Variants in FBXO8 observed in about 807,000 individuals in gnomAD.
FBXO8 encodes the protein F-box only protein 8.
A neutral mutation model predicts 33.4 loss-of-function variants in FBXO8; 15 were observed. That is an observed-to-expected ratio of 0.45 (90% CI 0.30 to 0.69). The LOEUF (loss-of-function observed/expected upper bound fraction) is 0.69. Ranked by LOEUF, FBXO8 falls within the 30% of genes least tolerant of loss-of-function variation. The pLI is 0.08. For missense variants in FBXO8, 274 were observed against 380.3 expected (o/e 0.72, Z 2.32); for synonymous variants, 132 against 131.5 (o/e 1.00, Z -0.02).
chr4:174,280,955 T>C (rs2126454084), intron 1 of FBXO8, among the ~76,000 whole-genome samples: 1 of 152,336 alleles, frequency 6.6e-6, no homozygotes, highest in East Asian at 1.9e-4. Flanking sequence ...ATGGTGTTGA[T>C]GGTGGCACAA....
chr4:174,254,200 T>G lies in FBXO8; in HGVS notation c.456+5499A>C, dbSNP rs1318670523. Among the ~76,000 whole-genome samples the G allele has an allele frequency of 1.3e-5, 2 of 152,188 alleles. No individual in the cohort carries two copies. Among genetic ancestry groups the G allele is most frequent in the East Asian group, 3.8e-4 (2 of 5,200 alleles). On this transcript the variant is annotated intron_variant, in intron 3 of 5. Transcript: ENST00000393674. The surrounding 1 kb of genome is among the most constrained non-coding windows in gnomAD (Gnocchi z 4.2). The stretch of plus-strand genomic sequence containing the variant: ...CAATTCTTCCTAGCTAGATCTTAGT[T>G]TATATCACAGCCAAGAATTAGAATT...
Position 174,256,292 on chromosome 4 carries a change from A to T in FBXO8, c.456+3407T>A, listed in dbSNP as rs1281350658. Reference sequence around the variant, plus strand: ...CTCAGGTACTTGCAAAAAGCATCACATATTTAAACGTATCATCAAAACTAA... The same window carrying T: ...CTCAGGTACTTGCAAAAAGCATCACTTATTTAAACGTATCATCAAAACTAA... On this transcript the variant is annotated intron_variant, in intron 3 of 5. Coordinates refer to ENST00000393674, the MANE Select transcript of FBXO8 (RefSeq NM_012180.3). The surrounding 1 kb of genome is among the most constrained non-coding windows in gnomAD (Gnocchi z 4.6). 1.4e-5 allele frequency: 5 copies of T among 359,544 alleles called. No individual in the cohort carries two copies. The highest frequency in any genetic ancestry group is 1.0e-4 in the Admixed American group (3 of 29,346). 22.3% of individuals were successfully genotyped at this position (359,544 alleles called of 1,614,324 possible).
chr4:174,244,560 T>C (rs968578479), intron 3 of FBXO8, among the ~76,000 whole-genome samples: 7 of 151,672 alleles, frequency 4.6e-5, no homozygotes, highest in Non-Finnish European at 1.0e-4. Context: ...GTTGCAGTCA[T>C]AATGTAGTTC....
At chr4:174,249,267 A>G (rs1255070113) in intron 3 of FBXO8, among the ~76,000 whole-genome samples, 1 of 152,012 alleles carries the variant, frequency 6.6e-6, no homozygotes, top group African/African-American at 2.4e-5. Context: ...TAGTTGAGTC[A>G]CGCTTCTTGG....
Position 174,275,334 on chromosome 4 carries a change from C to CAT in FBXO8, c.-9+8074_-9+8075dup, listed in dbSNP as rs1394444949. ...ACTTGCACAGAACTTCATACACACA[C>CAT]ATATGTACACTGAGTAAAAATAAAA... On this transcript the variant is annotated intron_variant, in intron 1 of 5. Coordinates refer to ENST00000393674, the MANE Select transcript of FBXO8 (RefSeq NM_012180.3). The surrounding 1 kb of genome is among the most constrained non-coding windows in gnomAD (Gnocchi z 4.4). 7.2e-5 allele frequency among the ~76,000 whole-genome samples: 11 copies of CAT among 152,072 alleles called. No homozygotes were observed. The highest frequency in any genetic ancestry group is 2.7e-4 in the African/African-American group (11 of 41,404).
chr4:174,276,487 C>T (rs1334237810), intron 1 of FBXO8, among the ~76,000 whole-genome samples: 1 of 152,162 alleles, frequency 6.6e-6, no homozygotes, highest in African/African-American at 2.4e-5. Flanking sequence ...CCGCCTGCCT[C>T]GGCCTCCCAG....
At chr4:174,238,770 T>C (rs1296577302) in intron 5 of FBXO8, among the ~76,000 whole-genome samples, 2 of 107,218 alleles carry the variant, frequency 1.9e-5, no homozygotes, top group Non-Finnish European at 4.3e-5. Context: ...TATATATATA[T>C]ATACACACAC....
chr4:174,239,686 G>A (rs1019807191), intron 4 of FBXO8, among the ~76,000 whole-genome samples: 1 of 151,520 alleles, frequency 6.6e-6, no homozygotes, highest in African/African-American at 2.4e-5. Flanking sequence ...ATAGTATATT[G>A]TGGACAGCTT....
rs1735908898 is a variant in FBXO8 at position 174,237,309 on chromosome 4, T to C, written c.*103A>G. 4 of 876,694 alleles carry C rather than the reference T, an allele frequency of 4.6e-6. No individual in the cohort carries two copies. In the East Asian group the frequency reaches 1.0e-4, roughly 22 times the overall value. 54.3% of individuals were successfully genotyped at this position (876,694 alleles called of 1,614,324 possible). A position where few individuals can be genotyped will look rare whatever the true frequency, so the allele number is the denominator to read the frequency against. On this transcript the variant is annotated 3_prime_UTR_variant, in exon 6 of 6. Coordinates refer to ENST00000393674, the MANE Select transcript of FBXO8 (RefSeq NM_012180.3). This position sits in a 1 kb window ranked among gnomAD's most constrained non-coding sequence, Gnocchi z 4.4. ...GGTTGCACACTGAAGCTTGATTGTA[T>C]ACTCAGGCTACAATGACCAGCACTG...
chr4:174,258,217 G>A (rs1410240966), intron 3 of FBXO8, among the ~76,000 whole-genome samples: 2 of 151,924 alleles, frequency 1.3e-5, no homozygotes, highest in Admixed American at 6.6e-5. Context: ...AAAAAGTGAC[G>A]TTCTTATGTT....
At chr4:174,244,905 A>G (rs961755381) in intron 3 of FBXO8, among the ~76,000 whole-genome samples, 1 of 151,798 alleles carries the variant, frequency 6.6e-6, no homozygotes, top group Non-Finnish European at 1.5e-5. Context: ...TTAAAAAAGT[A>G]TCCAATTCAC....
intron 4 of FBXO8, 53 bp from the exon 5 acceptor site, chr4:174,239,243 A>G: frequency 7.8e-7 from 1 of 1,279,836 alleles, no homozygotes; most frequent in Non-Finnish European, 1.0e-6. Context: ...CATTAAAAAA[A>G]TGGTAAGAAA....
intron 1 of FBXO8, among the ~76,000 whole-genome samples, chr4:174,273,545 T>A (rs1380284358): frequency 6.6e-6 from 1 of 152,172 alleles, no homozygotes; most frequent in African/African-American, 2.4e-5. Flanking sequence ...ACTTGATAAC[T>A]GTGAAATGGC....
rs1424101812 is a variant in FBXO8, at chr4:174,262,726, A to C, written c.329+38T>G. ...AGAACATTGAAGCATGATTATGTTT[A>C]GAGATACCTGAATTCAACTTTGGTG... On this transcript the variant is annotated intron_variant, in intron 2 of 5. Transcript: ENST00000393674. This position sits in a 1 kb window ranked among gnomAD's most constrained non-coding sequence, Gnocchi z 4.6. 2.6e-6 allele frequency: 4 copies of C among 1,540,328 alleles called. No homozygotes were observed. The highest frequency in any genetic ancestry group is 2.7e-6 in the Non-Finnish European group (3 of 1,116,410).
At position 174,262,989 on chromosome 4, in the gene FBXO8, G is replaced by C; in HGVS notation, c.104C>G (p.Ala35Gly). The change falls in exon 2 of 6, where the codon GCG becomes GGG. Residue 35 changes from alanine to glycine, a missense_variant. This residue lies in a region of FBXO8 where 88 missense variants were observed against 86.9 expected (regional missense o/e 1.01). Coordinates refer to ENST00000393674, the MANE Select transcript of FBXO8 (RefSeq NM_012180.3). The surrounding 1 kb of genome is among the most constrained non-coding windows in gnomAD (Gnocchi z 4.6). ...LTREQSRRMA[A>G]SNISNTNHRK... The stretch of plus-strand genomic sequence containing the variant: ...ATGATTGGTGTTAGAAATGTTGCTC[G>C]CAGCCATTCTCCTGCTCTGCTCTCT... 4 of 1,613,980 alleles carry C rather than the reference G, an allele frequency of 2.5e-6. No individual in the cohort carries two copies. Among genetic ancestry groups the C allele is most frequent in the Non-Finnish European group, 2.5e-6 (3 of 1,179,912 alleles).
Position 174,283,634 on chromosome 4 carries a change from G to A in FBXO8, c.-233C>T, listed in dbSNP as rs1196235528. On this transcript the variant is annotated 5_prime_UTR_variant, in exon 1 of 6. Transcript: ENST00000393674. The surrounding 1 kb of genome is among the most constrained non-coding windows in gnomAD (Gnocchi z 6.7). ...ACCTCCAGCTGCAGGGGCCAGAACT[G>A]CCGACTATCCCAATTTTGACGTTTC... is the stretch of plus-strand genomic sequence containing the variant. 3 of 361,572 alleles carry A rather than the reference G, an allele frequency of 8.3e-6. No homozygotes were observed. Among genetic ancestry groups the A allele is most frequent in the Non-Finnish European group, 1.5e-5 (3 of 203,492 alleles). The allele number at this position is 361,572 out of a possible 1,614,324, so 22.4% of individuals were successfully genotyped here.
intron 1 of FBXO8, among the ~76,000 whole-genome samples, chr4:174,269,451 C>T (rs1438556367): frequency 3.9e-5 from 6 of 152,034 alleles, no homozygotes; most frequent in South Asian, 4.1e-4. Flanking sequence ...TTTGGGAGGC[C>T]GAGGCGGGCA....
intron 3 of FBXO8, among the ~76,000 whole-genome samples, chr4:174,249,463 T>C (rs965085922): frequency 6.6e-6 from 1 of 152,048 alleles, no homozygotes; most frequent in African/African-American, 2.4e-5. Flanking sequence ...AAATACTGGA[T>C]TTGCAATGTG....
intron 1 of FBXO8, among the ~76,000 whole-genome samples, chr4:174,268,419 T>G (rs1475141433): frequency 6.6e-6 from 1 of 152,022 alleles, no homozygotes; most frequent in Non-Finnish European, 1.5e-5. Context: ...TTGGGGGCCA[T>G]TTTTTGTTTT....
Sources: allele counts gnomAD v4.1 joint callset (sites outside exome capture counted in the v4.1 genomes callset), GRCh38; gene constraint gnomAD v4.1.1; regional missense constraint gnomAD v4.1.1; non-coding constraint Gnocchi (gnomAD v3.1); transcripts MANE v1.5; gene names NCBI Gene and HGNC (gene_info 2026-07-23, HGNC 2026-07-21).